The following EN1 variants were observed in gnomAD, a reference collection of about 807,000 sequenced individuals.
EN1 encodes homeobox protein engrailed-1.
Under a neutral mutation model 22.9 loss-of-function variants are expected in EN1, and 8 were observed. That is an observed-to-expected ratio of 0.35 (90% confidence interval 0.20 to 0.63). The LOEUF (loss-of-function observed/expected upper bound fraction) is 0.63, where lower values mean the gene tolerates loss of function less well. Ranked by LOEUF, EN1 falls within the 20% of genes least tolerant of loss-of-function variation. EN1 has a pLI of 0.73. For synonymous variants in EN1, 287 were observed against 262.5 expected (o/e 1.09, Z -0.90); for missense variants, 521 against 572.1 (o/e 0.91, Z 0.91).
In EN1 at chr2:118,846,842, T is replaced by C. The variant is rs748345272; in HGVS notation, c.326A>G (p.Asn109Ser). 5 of 1,593,668 alleles carry C rather than the reference T, an allele frequency of 3.1e-6. 1 individual carries two copies. The South Asian group carries it at 3.3e-5, about 11-fold the overall frequency. The change falls in exon 1 of 2, where the codon AAC becomes AGC. Residue 109 changes from asparagine (N) to serine (S), a missense_variant. Physicochemically the swap from Asn to Ser is conservative, Grantham distance 46 (BLOSUM62 1). Around this residue, in one of 3 missense-constraint regions of EN1, gnomAD observed 436 missense variants for 410.1 expected, o/e 1.06. Coordinates refer to ENST00000295206, the MANE Select transcript of EN1 (RefSeq NM_001426.4). This position sits in a 1 kb window ranked among gnomAD's most constrained non-coding sequence, Gnocchi z 5.0. ...GCAGCCGAAGTCCGGCCTCAGGATGTTGTCGATGAAAAAGTTGGTGGTGCG... is the reference window on the plus strand; with the variant it reads ...GCAGCCGAAGTCCGGCCTCAGGATGCTGTCGATGAAAAAGTTGGTGGTGCG... ...LHRTTNFFID[N>S]ILRPDFGCKK... is the part of the protein sequence containing the mutation.
At position 118,847,640 on chromosome 2, in the gene EN1, GCTGTGCC is replaced by G. The variant is rs1391721667; in HGVS notation, c.-480_-474del. 1 of 151,796 alleles carries G rather than the reference GCTGTGCC, an allele frequency of 6.6e-6. No individual in the cohort carries two copies. The highest frequency in any genetic ancestry group is 2.1e-4 in the South Asian group (1 of 4,808). The allele number at this position is 151,796 out of a possible 1,614,324, so 9.4% of individuals were successfully genotyped here. ...TTGACTTCCCCGAGTGTCACGCTCA[GCTGTGCC>G]CAGAGCGTGAGGCTGGCAGCGCCTT... On this transcript the variant is annotated 5_prime_UTR_variant, in exon 1 of 2. Transcript: ENST00000295206.
At position 118,847,178 on chromosome 2, in the gene EN1, C is replaced by T; in HGVS notation, c.-11G>A. 1.2e-6 allele frequency: 1 copy of T among 847,686 alleles called. No individual in the cohort carries two copies. Among genetic ancestry groups the T allele is most frequent in the Non-Finnish European group, 1.7e-6 (1 of 604,702 alleles). 52.5% of individuals were successfully genotyped at this position (847,686 alleles called of 1,614,324 possible). A position where few individuals can be genotyped will look rare whatever the true frequency, so the allele number is the denominator to read the frequency against. ...CTGCTGTTCTTCCATGCTCGGCCGC[C>T]CCGCCGCCCCGGCCGCCGCGCCGGC... On this transcript the variant is annotated 5_prime_UTR_variant, in exon 1 of 2. Transcript: ENST00000295206.
rs1318730346 is a variant in EN1, at chr2:118,845,273, C to A, written c.862+1033G>T. The stretch of plus-strand genomic sequence containing the variant: ...CGGCGCGTGGCTACGTTGTTCCCGG[C>A]CCCCTGCCGGACCGGGTGTCTGGAG... On this transcript the variant is annotated intron_variant, in intron 1 of 1. Coordinates refer to ENST00000295206, the MANE Select transcript of EN1 (RefSeq NM_001426.4). Among the ~76,000 whole-genome samples the A allele has an allele frequency of 2.0e-5, 3 of 152,216 alleles. No individual in the cohort carries two copies. The South Asian group carries it at 6.2e-4, about 32-fold the overall frequency.
Position 118,846,846 on chromosome 2 carries a change from C to A in EN1, c.322G>T (p.Asp108Tyr). The stretch of plus-strand genomic sequence containing the variant: ...CCGAAGTCCGGCCTCAGGATGTTGT[C>A]GATGAAAAAGTTGGTGGTGCGGTGC... ...QLHRTTNFFI[D>Y]NILRPDFGCK... is the part of the protein sequence containing the mutation. Residue 108 changes from aspartate to tyrosine, a missense_variant, in exon 1 of 2, where the codon GAC becomes TAC. Around this residue, in one of 3 missense-constraint regions of EN1, gnomAD observed 436 missense variants for 410.1 expected, o/e 1.06. Coordinates refer to ENST00000295206, the MANE Select transcript of EN1 (RefSeq NM_001426.4). The surrounding 1 kb of genome is among the most constrained non-coding windows in gnomAD (Gnocchi z 5.0). 1 of 1,590,266 alleles carries A rather than the reference C, an allele frequency of 6.3e-7. No homozygotes were observed. The highest frequency in any genetic ancestry group is 8.5e-7 in the Non-Finnish European group (1 of 1,174,274).
chr2:118,846,742 G>C lies in EN1; in HGVS notation c.426C>G (p.Val142=). ...CGGCAGTCTGGCCTCTGTCACGCTC[G>C]ACCCGGCCTCCTCCTCCTGCGCCTC... ...ARGGAGGGGR[V]ERDRGQTAAG... is the part of the protein sequence containing the mutation. Residue 142 remains valine (V), a synonymous_variant, in exon 1 of 2, where the codon GTC becomes GTG. Transcript: ENST00000295206. The surrounding 1 kb of genome is among the most constrained non-coding windows in gnomAD (Gnocchi z 5.0). 1 of 1,594,066 alleles carries C rather than the reference G, an allele frequency of 6.3e-7. No homozygotes were observed. Among genetic ancestry groups the C allele is most frequent in the Non-Finnish European group, 8.5e-7 (1 of 1,177,430 alleles).
chr2:118,845,028 C>A (rs950620383), intron 1 of EN1, among the ~76,000 whole-genome samples: 6 of 152,266 alleles, frequency 3.9e-5, no homozygotes, highest in African/African-American at 1.4e-4. Context: ...GGCACGGACT[C>A]TTGTAATAAA....
Position 118,847,076 on chromosome 2 carries a change from A to G in EN1, c.92T>C (p.Leu31Pro). 4 of 1,421,432 alleles carry G rather than the reference A, an allele frequency of 2.8e-6. No individual in the cohort carries two copies. The highest frequency in any genetic ancestry group is 1.8e-6 in the Non-Finnish European group (2 of 1,090,192). 88.1% of individuals were successfully genotyped at this position (1,421,432 alleles called of 1,614,324 possible). A position where few individuals can be genotyped will look rare whatever the true frequency, so the allele number is the denominator to read the frequency against. The change falls in exon 1 of 2, where the codon CTC becomes CCC. Residue 31 changes from leucine (L) to proline (P), a missense_variant. Leu to Pro is a moderately conservative substitution (Grantham distance 98). Coordinates refer to ENST00000295206, the MANE Select transcript of EN1 (RefSeq NM_001426.4). ...GCTGCTGCCGCTGGCGCCCGGACTG[A>G]GGCTCAGGCTGAGGCCGCCCGGAGT... Reference protein sequence around the residue: ...AATPGGLSLSLSPGASGSSGS... With the variant: ...AATPGGLSLSPSPGASGSSGS...
In EN1 at chr2:118,846,190, G is replaced by A. The variant is rs907861667; in HGVS notation, c.862+116C>T. ...GACTGGAACTGGGGTGAGGAAGCAG[G>A]CGTGAGAGACTGGAGTACCCGAGGC... On this transcript the variant is annotated intron_variant, in intron 1 of 1. Coordinates refer to ENST00000295206, the MANE Select transcript of EN1 (RefSeq NM_001426.4). This position sits in a 1 kb window ranked among gnomAD's most constrained non-coding sequence, Gnocchi z 5.0. 4 of 1,449,432 alleles carry A rather than the reference G, an allele frequency of 2.8e-6. No homozygotes were observed. Among genetic ancestry groups the A allele is most frequent in the Non-Finnish European group, 2.8e-6 (3 of 1,080,666 alleles). The allele number at this position is 1,449,432 out of a possible 1,614,324, so 89.8% of individuals were successfully genotyped here. A position where few individuals can be genotyped will look rare whatever the true frequency, so the allele number is the denominator to read the frequency against.
In EN1 at chr2:118,842,390, CAAAGA is replaced by C. The variant is rs1678203835; in HGVS notation, c.*543_*547del. 1 of 150,894 alleles carries C rather than the reference CAAAGA, an allele frequency of 6.6e-6. No individual in the cohort carries two copies. Among genetic ancestry groups the C allele is most frequent in the South Asian group, 2.1e-4 (1 of 4,700 alleles). The allele number at this position is 150,894 out of a possible 1,614,324, so 9.3% of individuals were successfully genotyped here. A position where few individuals can be genotyped will look rare whatever the true frequency, so the allele number is the denominator to read the frequency against. On this transcript the variant is annotated 3_prime_UTR_variant, in exon 2 of 2. Coordinates refer to ENST00000295206, the MANE Select transcript of EN1 (RefSeq NM_001426.4). ...ACGAAAGGAAACACACTCTCGCACA[CAAAGA>C]AAAGTCCCAGAGAAACCAGGGCCGG...
chr2:118,842,923 C>A lies in EN1; in HGVS notation c.*15G>T, dbSNP rs572940930. The A allele has an allele frequency of 1.3e-6, 2 of 1,597,658 alleles. No individual in the cohort carries two copies. Among genetic ancestry groups the A allele is most frequent in the Non-Finnish European group, 1.7e-6 (2 of 1,167,886 alleles). ...TGCCGGGAGGGGGCGCGGGCGCGGC[C>A]CCGGCCTGTGGCGGCTACTCGCTCT... On this transcript the variant is annotated 3_prime_UTR_variant, in exon 2 of 2. Transcript: ENST00000295206.
At chr2:118,845,019 G>A (rs116271135) in intron 1 of EN1, among the ~76,000 whole-genome samples, 1 of 152,252 alleles carries the variant, frequency 6.6e-6, no homozygotes, top group Non-Finnish European at 1.5e-5. Flanking sequence ...GTGTGCAGAG[G>A]CACGGACTCT....
In EN1 at chr2:118,842,950, G is replaced by T; in HGVS notation, c.1167C>A (p.Asp389Glu). Residue 389 changes from aspartate to glutamate, a missense_variant, in exon 2 of 2, where the codon GAC (aspartate) becomes GAA (glutamate). This residue lies in a region of EN1 where 35 missense variants were observed against 40.2 expected (regional missense o/e 0.87). Coordinates refer to ENST00000295206, the MANE Select transcript of EN1 (RefSeq NM_001426.4). ...NHSTTTVQDK[D>E]ESE Reference sequence around the variant, plus strand: ...CGGCCTGTGGCGGCTACTCGCTCTCGTCTTTGTCCTGGACCGTGGTGGTGG... The same window carrying T: ...CGGCCTGTGGCGGCTACTCGCTCTCTTCTTTGTCCTGGACCGTGGTGGTGG... 1 of 1,602,170 alleles carries T rather than the reference G, an allele frequency of 6.2e-7. No individual in the cohort carries two copies. Among genetic ancestry groups the T allele is most frequent in the South Asian group, 1.1e-5 (1 of 90,854 alleles).
In EN1 at chr2:118,847,206, C is replaced by T. The variant is rs996475584; in HGVS notation, c.-39G>A. 2 of 597,112 alleles carry T rather than the reference C, an allele frequency of 3.3e-6. No individual in the cohort carries two copies. The highest frequency in any genetic ancestry group is 5.2e-6 in the Non-Finnish European group (2 of 386,072). 37.0% of individuals were successfully genotyped at this position (597,112 alleles called of 1,614,324 possible). A position where few individuals can be genotyped will look rare whatever the true frequency, so the allele number is the denominator to read the frequency against. On this transcript the variant is annotated 5_prime_UTR_variant, in exon 1 of 2. Transcript: ENST00000295206. ...GCCGCCCCGGCCGCCGCGCCGGCCC[C>T]CGCCCCCACCGCCTCGCTCCCCACC...
Position 118,846,185 on chromosome 2 carries a change from A to C in EN1, c.862+121T>G. 1 of 1,423,212 alleles carries C rather than the reference A, an allele frequency of 7.0e-7. No homozygotes were observed. Among genetic ancestry groups the C allele is most frequent in the Non-Finnish European group, 9.4e-7 (1 of 1,059,920 alleles). 88.2% of individuals were successfully genotyped at this position (1,423,212 alleles called of 1,614,324 possible). A position where few individuals can be genotyped will look rare whatever the true frequency, so the allele number is the denominator to read the frequency against. ...GTTGTGACTGGAACTGGGGTGAGGA[A>C]GCAGGCGTGAGAGACTGGAGTACCC... On this transcript the variant is annotated intron_variant, in intron 1 of 1. Transcript: ENST00000295206. This position sits in a 1 kb window ranked among gnomAD's most constrained non-coding sequence, Gnocchi z 5.0.
rs1421392703 is a variant in EN1, at chr2:118,847,186, CCCGGCCGCCGCG to C, written c.-31_-20del. The C allele has an allele frequency of 5.0e-6, 4 of 794,328 alleles. 1 individual carries two copies. The Admixed American group carries it at 1.3e-4, about 25-fold the overall frequency. 49.2% of individuals were successfully genotyped at this position (794,328 alleles called of 1,614,324 possible). On this transcript the variant is annotated 5_prime_UTR_variant, in exon 1 of 2. Coordinates refer to ENST00000295206, the MANE Select transcript of EN1 (RefSeq NM_001426.4). ...CTTCCATGCTCGGCCGCCCCGCCGC[CCCGGCCGCCGCG>C]CCGGCCCCCGCCCCCACCGCCTCGC...
At position 118,846,779 on chromosome 2, in the gene EN1, G is replaced by A; in HGVS notation, c.389C>T (p.Ala130Val). Residue 130 changes from alanine (A) to valine (V), a missense_variant, in exon 1 of 2, where the codon GCG becomes GTG. Coordinates refer to ENST00000295206, the MANE Select transcript of EN1 (RefSeq NM_001426.4). This position sits in a 1 kb window ranked among gnomAD's most constrained non-coding sequence, Gnocchi z 5.0. Reference sequence around the variant, plus strand: ...TCCTCCTGCGCCTCCTCTGGCCGCCGCAGCCACCAGAAGCTGCGGTGGCGG... The same window carrying A: ...TCCTCCTGCGCCTCCTCTGGCCGCCACAGCCACCAGAAGCTGCGGTGGCGG... ...EQPPPQLLVA[A>V]AARGGAGGGG... 6.3e-7 allele frequency: 1 copy of A among 1,594,798 alleles called. No individual in the cohort carries two copies.
chr2:118,847,588 C>A lies in EN1; in HGVS notation c.-421G>T, dbSNP rs1678301207. The A allele has an allele frequency of 1.3e-5, 2 of 153,388 alleles. No homozygotes were observed. Among genetic ancestry groups the A allele is most frequent in the Admixed American group, 1.3e-4 (2 of 15,296 alleles). The allele number at this position is 153,388 out of a possible 1,614,324, so 9.5% of individuals were successfully genotyped here. On this transcript the variant is annotated 5_prime_UTR_variant, in exon 1 of 2. Transcript: ENST00000295206. ...GAAAAAAATAGTATTTAAAGTCTAGCCATCTTCCTAGGCAGTAGTGAGGGG... is the reference window on the plus strand; with the variant it reads ...GAAAAAAATAGTATTTAAAGTCTAGACATCTTCCTAGGCAGTAGTGAGGGG...
rs773079874 is a variant in EN1, at chr2:118,846,987, C to T, written c.181G>A (p.Ala61Thr). 1,327 of 1,352,260 alleles carry T rather than the reference C, an allele frequency of 9.8e-4. 1 individual carries two copies. The highest frequency in any genetic ancestry group is 1.2e-3 in the Non-Finnish European group (1,307 of 1,061,366). 83.8% of individuals were successfully genotyped at this position (1,352,260 alleles called of 1,614,324 possible). Residue 61 changes from alanine (A) to threonine (T), a missense_variant, in exon 1 of 2, where the codon GCG (alanine) becomes ACG (threonine). By Grantham distance (58) the Ala-to-Thr change is moderately conservative. This residue lies in a region of EN1 where 436 missense variants were observed against 410.1 expected (regional missense o/e 1.06). Coordinates refer to ENST00000295206, the MANE Select transcript of EN1 (RefSeq NM_001426.4). This position sits in a 1 kb window ranked among gnomAD's most constrained non-coding sequence, Gnocchi z 5.0. The stretch of plus-strand genomic sequence containing the variant: ...GCCAGGGGCGGCAGGCAAGGCGCCG[C>T]GGGCGGCGAGGGGGGCGCAGGCTGC... ...SPQPAPPSPP[A>T]APCLPPLAHH...
chr2:118,847,158 G>A lies in EN1; in HGVS notation c.10C>T (p.Gln4Ter). ...CGCTGACTTTTAGGTTCCGGCTGCTGTTCTTCCATGCTCGGCCGCCCCGCC... is the reference window on the plus strand; with the variant it reads ...CGCTGACTTTTAGGTTCCGGCTGCTATTCTTCCATGCTCGGCCGCCCCGCC... MEE[Q>*]QPEPKSQRDS... is the part of the protein sequence containing the mutation. The change falls in exon 1 of 2, where the codon CAG (glutamine) becomes TAG (stop). Residue 4 changes from glutamine (Q) to a stop codon, truncating the protein, a stop_gained. Transcript: ENST00000295206. LOFTEE classifies it high-confidence loss of function. The A allele has an allele frequency of 9.2e-7, 1 of 1,090,956 alleles. No individual in the cohort carries two copies. 67.6% of individuals were successfully genotyped at this position (1,090,956 alleles called of 1,614,324 possible).
Sources: allele counts gnomAD v4.1 joint callset (sites outside exome capture counted in the v4.1 genomes callset), GRCh38; gene constraint gnomAD v4.1.1; regional missense constraint gnomAD v4.1.1; non-coding constraint Gnocchi (gnomAD v3.1); transcripts MANE v1.5; gene names NCBI Gene and HGNC (gene_info 2026-07-23, HGNC 2026-07-21).